Variants in ADGRV1 observed in about 807,000 individuals in gnomAD.
ADGRV1 encodes the protein G-protein coupled receptor 98.
ADGRV1 carries 359 observed loss-of-function variants against 596.2 expected under a neutral mutation model. The observed-to-expected ratio is 0.60, with a 90% CI of 0.55 to 0.66. ADGRV1 has a LOEUF of 0.66. Among genes scored for constraint, ADGRV1 ranks in the 30% least tolerant of loss-of-function variants. ADGRV1 has a pLI of 0.00. For missense variants in ADGRV1, 7,274 were observed against 7,575.6 expected, an observed-to-expected ratio of 0.96 and a Z score of 1.48; for synonymous variants, 2,681 against 2,679.2, an observed-to-expected ratio of 1.00 and a Z score of -0.02.
chr5:90,769,834 T>C (rs1030893489), intron 59 of ADGRV1, among the ~76,000 whole-genome samples: 7 of 152,206 alleles, frequency 4.6e-5, no homozygotes, highest in Admixed American at 4.6e-4. Flanking sequence ...GATGTACTTA[T>C]GAAAAATCTG....
At chr5:91,006,147 G>A (rs1025441409) in intron 85 of ADGRV1, among the ~76,000 whole-genome samples, 16 of 152,096 alleles carry the variant, frequency 1.1e-4, no homozygotes, top group African/African-American at 3.9e-4. Flanking sequence ...AAATATCTAG[G>A]ATTTTTTAAA....
intron 50 of ADGRV1, among the ~76,000 whole-genome samples, chr5:90,730,146 C>A (rs144809887): frequency 0.026 from 3,972 of 152,252 alleles, 155 homozygotes; most frequent in African/African-American, 0.091. Context: ...CGTGAGCCAC[C>A]ACGCCCAGCC....
intron 87 of ADGRV1, among the ~76,000 whole-genome samples, chr5:91,104,139 A>C (rs1791638992): frequency 6.6e-6 from 1 of 152,042 alleles, no homozygotes. Context: ...TTTGTACTGG[A>C]AAGATAACTG....
intron 77 of ADGRV1, among the ~76,000 whole-genome samples, chr5:90,839,715 T>A (rs1457085174): frequency 6.6e-6 from 1 of 152,246 alleles, no homozygotes; most frequent in Non-Finnish European, 1.5e-5. Flanking sequence ...AGCTTCTATG[T>A]CCAGTTTTAT....
At chr5:90,732,081 G>A (rs1401900036) in intron 50 of ADGRV1, among the ~76,000 whole-genome samples, 2 of 152,036 alleles carry the variant, frequency 1.3e-5, no homozygotes, top group Admixed American at 6.6e-5. Context: ...GCTTACTGCA[G>A]CCTTGAACAC....
intron 73 of ADGRV1, among the ~76,000 whole-genome samples, chr5:90,810,017 T>C (rs1336654889): frequency 6.6e-6 from 1 of 152,238 alleles, no homozygotes; most frequent in Non-Finnish European, 1.5e-5. Flanking sequence ...TAGCTCAGAC[T>C]TGTTAGTTCC....
intron 59 of ADGRV1, among the ~76,000 whole-genome samples, chr5:90,764,386 G>A (rs1756857579): frequency 2.6e-5 from 4 of 152,200 alleles, no homozygotes; most frequent in African/African-American, 7.2e-5. Flanking sequence ...AGCCCAAGTG[G>A]CACAAGCTTA....
chr5:90,618,923 A>C (rs1016051929), intron 3 of ADGRV1, among the ~76,000 whole-genome samples, 163 bp from the exon 4 acceptor site: 3 of 152,030 alleles, frequency 2.0e-5, no homozygotes, highest in Admixed American at 6.6e-5. Context: ...CTTCTTAACC[A>C]TATTGATGTA....
chr5:90,675,990 T>C (rs1561506277), intron 24 of ADGRV1, 90 bp from the exon 25 acceptor site: 4 of 1,057,650 alleles, frequency 3.8e-6, no homozygotes, highest in Non-Finnish European at 4.0e-6. Flanking sequence ...TAACAAACAT[T>C]CTGATTTTAC....
At chr5:90,926,273 TG>T (rs1353097890) in intron 83 of ADGRV1, among the ~76,000 whole-genome samples, 1 of 152,080 alleles carries the variant, frequency 6.6e-6, no homozygotes, top group Non-Finnish European at 1.5e-5. Context: ...GGACTCTTTT[TG>T]GTTGGTAAAC....
At position 91,052,180 on chromosome 5, in the gene ADGRV1, G is replaced by A. The variant is rs189910927; in HGVS notation, c.18153-20267G>A. ...AAGCAAATATAAGCCTTAACATTAG[G>A]GTCTCTGCAGTGAGTTTTTATAAGG... is the stretch of plus-strand genomic sequence containing the variant. On this transcript the variant is annotated intron_variant, in intron 85 of 89. Coordinates refer to ENST00000405460, the MANE Select transcript of ADGRV1 (RefSeq NM_032119.4). Among the ~76,000 whole-genome samples the A allele has an allele frequency of 7.6e-3, 1,157 of 151,728 alleles. 4 individuals are homozygous for A. Among genetic ancestry groups the A allele is most frequent in the Middle Eastern group, 0.014 (4 of 292 alleles).
intron 21 of ADGRV1, among the ~76,000 whole-genome samples, chr5:90,668,003 C>T (rs1219408141): frequency 6.6e-6 from 1 of 151,870 alleles, no homozygotes; most frequent in African/African-American, 2.4e-5. Flanking sequence ...AGAACCACTG[C>T]TCTCTTCAAA....
chr5:90,823,688 T>C (rs1191714791), intron 76 of ADGRV1, 92 bp downstream of exon 76: 13 of 1,097,444 alleles, frequency 1.2e-5, no homozygotes, highest in Non-Finnish European at 1.7e-5. Flanking sequence ...TTACACATTG[T>C]TGATAGGGAG....
chr5:90,673,330 C>T (rs1408318870), intron 22 of ADGRV1, among the ~76,000 whole-genome samples: 1 of 152,124 alleles, frequency 6.6e-6, no homozygotes, highest in African/African-American at 2.4e-5. Flanking sequence ...ATTGGGAAGT[C>T]TCTACCTGTT....
In ADGRV1 at chr5:90,676,160, T is replaced by C; in HGVS notation, c.5394T>C (p.Pro1798=). 1 of 1,608,146 alleles carries C rather than the reference T, an allele frequency of 6.2e-7. No individual in the cohort carries two copies. Among genetic ancestry groups the C allele is most frequent in the Non-Finnish European group, 8.5e-7 (1 of 1,177,088 alleles). ...IFINITDNSI[P]ELEKSFKVEL... Reference sequence around the variant, plus strand: ...TAAACATCACTGATAATTCTATTCCTGAACTGGAAAAATCTTTTAAAGTTG... The same window carrying C: ...TAAACATCACTGATAATTCTATTCCCGAACTGGAAAAATCTTTTAAAGTTG... Residue 1798 remains proline (P), a synonymous_variant, in exon 25 of 90, where the codon CCT becomes CCC. Coordinates refer to ENST00000405460, the MANE Select transcript of ADGRV1 (RefSeq NM_032119.4).
intron 1 of ADGRV1, among the ~76,000 whole-genome samples, chr5:90,610,764 A>T (rs369822229): frequency 3.9e-4 from 60 of 152,150 alleles, no homozygotes; most frequent in African/African-American, 1.4e-3. Context: ...ACCCAACCCA[A>T]GCCAGCTAGA....
At chr5:90,853,956 C>G in intron 80 of ADGRV1, 106 bp from the exon 81 acceptor site, 1 of 800,174 alleles carries the variant, frequency 1.2e-6, no homozygotes. Context: ...TGAAAGAAAA[C>G]AAATGACTGT....
chr5:90,578,783 T>G (rs1231105551), intron 1 of ADGRV1, among the ~76,000 whole-genome samples: 1 of 152,190 alleles, frequency 6.6e-6, no homozygotes, highest in Non-Finnish European at 1.5e-5. Context: ...TTGCCATAAT[T>G]TCAGAGCCTG....
rs934640408 is a variant in ADGRV1 at position 90,703,856 on chromosome 5, A to G, written c.8286+61A>G. On this transcript the variant is annotated intron_variant, in intron 35 of 89. Transcript: ENST00000405460. Reference sequence around the variant, plus strand: ...AGAAAGAATGGTGTATTTTGAGGAAAATGGGATAGAAAAGCAGCACTATTG... The same window carrying G: ...AGAAAGAATGGTGTATTTTGAGGAAGATGGGATAGAAAAGCAGCACTATTG... The G allele has an allele frequency of 2.4e-5, 29 of 1,232,868 alleles. 1 individual carries two copies. The African/African-American group carries it at 4.3e-4, about 18-fold the overall frequency. The allele number at this position is 1,232,868 out of a possible 1,614,324, so 76.4% of individuals were successfully genotyped here.
Sources: allele counts gnomAD v4.1 joint callset (sites outside exome capture counted in the v4.1 genomes callset), GRCh38; gene constraint gnomAD v4.1.1; transcripts MANE v1.5; gene names NCBI Gene and HGNC (gene_info 2026-07-23, HGNC 2026-07-21).